Variants in STK39 observed in about 807,000 individuals in gnomAD.
The protein encoded by STK39 is serine/threonine kinase 39, also known as STE20/SPS1-related proline-alanine-rich protein kinase.
In STK39, 20 loss-of-function variants were observed where a neutral mutation model predicts 77.8. The observed-to-expected ratio is 0.26, with a 90% CI of 0.18 to 0.37. STK39 has a LOEUF of 0.37. Among genes scored for constraint, STK39 ranks in the 10% least tolerant of loss-of-function variants. The pLI is 1.00. For missense variants in STK39, 479 were observed against 656.5 expected, an observed-to-expected ratio of 0.73 and a Z score of 2.95; for synonymous variants, 246 against 234.1, an observed-to-expected ratio of 1.05 and a Z score of -0.47.
intron 14 of STK39, among the ~76,000 whole-genome samples, chr2:168,040,740 T>A (rs901743840): frequency 2.6e-5 from 4 of 152,234 alleles, no homozygotes; most frequent in Non-Finnish European, 5.9e-5. Flanking sequence ...AATGTTTATA[T>A]TTCTGAAACC....
At chr2:168,157,700 G>A (rs1455333428) in intron 5 of STK39, among the ~76,000 whole-genome samples, 1 of 151,968 alleles carries the variant, frequency 6.6e-6, no homozygotes, top group African/African-American at 2.4e-5. Context: ...ACCTCCCAAA[G>A]GCCCCACCTC....
chr2:168,100,927 A>G (rs1686806599), intron 10 of STK39, among the ~76,000 whole-genome samples: 1 of 150,378 alleles, frequency 6.6e-6, no homozygotes, highest in Admixed American at 6.6e-5. Flanking sequence ...TTGTGGCACT[A>G]TTCACAATAG....
At chr2:168,133,822 C>CA (rs1258040165) in intron 8 of STK39, among the ~76,000 whole-genome samples, 1 of 151,378 alleles carries the variant, frequency 6.6e-6, no homozygotes, top group Non-Finnish European at 1.5e-5. Context: ...CATGCCATTC[C>CA]ACTCCAGCCT....
At chr2:168,164,964 T>C (rs574135885) in intron 3 of STK39, among the ~76,000 whole-genome samples, 49 of 152,234 alleles carry the variant, frequency 3.2e-4, no homozygotes, top group Non-Finnish European at 5.7e-4. Flanking sequence ...TATAATTAAC[T>C]AAGAGGATTG....
chr2:168,095,850 C>G (rs148260261), intron 10 of STK39, among the ~76,000 whole-genome samples: 3 of 151,948 alleles, frequency 2.0e-5, no homozygotes, highest in Non-Finnish European at 2.9e-5. Flanking sequence ...ACCAAGATGA[C>G]GACTATGCTT....
At chr2:168,229,429 CTTCT>C (rs1043588101) in intron 1 of STK39, among the ~76,000 whole-genome samples, 6 of 151,754 alleles carry the variant, frequency 4.0e-5, no homozygotes, top group African/African-American at 1.2e-4. Flanking sequence ...ATCTCCCTTC[CTTCT>C]ATTATTTCTA....
intron 16 of STK39, among the ~76,000 whole-genome samples, chr2:168,005,624 G>A (rs749870700): frequency 6.6e-6 from 1 of 152,112 alleles, no homozygotes. Flanking sequence ...GAAGACAAGC[G>A]TTGCCCTAAA....
At chr2:168,066,680 C>G (rs924017123) in intron 12 of STK39, among the ~76,000 whole-genome samples, 1 of 152,192 alleles carries the variant, frequency 6.6e-6, no homozygotes, top group African/African-American at 2.4e-5. Context: ...CTGGGAAGAC[C>G]CATCTCCTGC....
intron 1 of STK39, among the ~76,000 whole-genome samples, chr2:168,229,694 G>A (rs373795777): frequency 3.3e-5 from 5 of 152,186 alleles, no homozygotes; most frequent in Admixed American, 2.0e-4. Context: ...TTCGGGCTGT[G>A]ACAAATCTAG....
chr2:167,958,066 G>C (rs1468839735), intron 17 of STK39, among the ~76,000 whole-genome samples: 1 of 152,152 alleles, frequency 6.6e-6, no homozygotes, highest in Non-Finnish European at 1.5e-5. Context: ...GCACAAATGA[G>C]GGTGATATGC....
intron 5 of STK39, among the ~76,000 whole-genome samples, chr2:168,148,702 C>G (rs544038331): frequency 1.3e-4 from 20 of 152,264 alleles, no homozygotes; most frequent in Admixed American, 3.3e-4. Flanking sequence ...GCCAAAGAGG[C>G]CAGATAGCAA....
At chr2:168,015,651 T>C (rs1012077619) in intron 15 of STK39, among the ~76,000 whole-genome samples, 24 of 152,206 alleles carry the variant, frequency 1.6e-4, no homozygotes, top group African/African-American at 5.5e-4. Context: ...AAAATTAAAA[T>C]TGATTTTCAT....
intron 2 of STK39, among the ~76,000 whole-genome samples, chr2:168,171,079 C>T (rs986001156): frequency 2.0e-5 from 3 of 152,166 alleles, no homozygotes; most frequent in Non-Finnish European, 2.9e-5. Flanking sequence ...AAGCGCCAAA[C>T]CAAGCTATGG....
At chr2:168,159,833 G>A (rs1688524300) in intron 5 of STK39, among the ~76,000 whole-genome samples, 1 of 152,178 alleles carries the variant, frequency 6.6e-6, no homozygotes, top group South Asian at 2.1e-4. Context: ...GCACATGCCA[G>A]GCATAGAAAA....
At chr2:167,991,918 G>A (rs1683709404) in intron 16 of STK39, among the ~76,000 whole-genome samples, 1 of 152,192 alleles carries the variant, frequency 6.6e-6, no homozygotes, top group Admixed American at 6.5e-5. Context: ...CAGGAAGACA[G>A]GAATCTTTAA....
chr2:168,177,830 A>G (rs1185236511), intron 2 of STK39, among the ~76,000 whole-genome samples: 4 of 152,206 alleles, frequency 2.6e-5, no homozygotes, highest in African/African-American at 9.7e-5. Flanking sequence ...TTAAATTCCT[A>G]TTGGAAAGCA....
chr2:168,149,123 C>T (rs971154604), intron 5 of STK39, among the ~76,000 whole-genome samples: 1 of 152,224 alleles, frequency 6.6e-6, no homozygotes, highest in Non-Finnish European at 1.5e-5. Context: ...CCAATAATGG[C>T]ATATGGTTCT....
At chr2:168,091,253 G>T (rs1686516678) in intron 10 of STK39, among the ~76,000 whole-genome samples, 1 of 151,962 alleles carries the variant, frequency 6.6e-6, no homozygotes, top group Admixed American at 6.6e-5. Context: ...AGTTTAAATT[G>T]ATAGGAAAGA....
intron 14 of STK39, among the ~76,000 whole-genome samples, chr2:168,057,003 G>A (rs1685544054): frequency 6.6e-6 from 1 of 152,292 alleles, no homozygotes; most frequent in South Asian, 2.1e-4. Flanking sequence ...TAACTTCAAA[G>A]GCTATAAAAG....
Sources: allele counts gnomAD v4.1 joint callset (sites outside exome capture counted in the v4.1 genomes callset), GRCh38; gene constraint gnomAD v4.1.1; transcripts MANE v1.5; gene names NCBI Gene and HGNC (gene_info 2026-07-23, HGNC 2026-07-21).